Variants in FOXO3 observed in about 807,000 individuals in gnomAD.
FOXO3 encodes the protein forkhead box O3.
Under a neutral mutation model 41.9 loss-of-function variants are expected in FOXO3, and 4 were observed. The ratio of observed to expected loss-of-function variants is 0.10; its 90% confidence interval spans 0.05 to 0.22. FOXO3 has a LOEUF of 0.22. Among genes scored for constraint, FOXO3 ranks in the 10% least tolerant of loss-of-function variants. The probability of loss-of-function intolerance (pLI) is 1.00; values close to 1 mark genes in which losing one functional copy is unlikely to be tolerated. For missense variants in FOXO3, 534 were observed against 906.8 expected (o/e 0.59, Z 5.28); for synonymous variants, 318 against 389.3 (o/e 0.82, Z 2.16).
intron 1 of FOXO3, among the ~76,000 whole-genome samples, chr6:108,621,474 G>A (rs1471067423): frequency 1.3e-5 from 2 of 152,232 alleles, no homozygotes; most frequent in Non-Finnish European, 2.9e-5. Flanking sequence ...AAGTATGTGT[G>A]TAGTGCATGA....
chr6:108,561,880 G>A, intron 1 of FOXO3, 51 bp downstream of exon 1: 1 of 1,486,328 alleles, frequency 6.7e-7, no homozygotes. Context: ...CTCCTGCGCA[G>A]CGCGAGACGC....
chr6:108,683,103 G>A lies in FOXO3; in HGVS notation c.*3311G>A, dbSNP rs1562273690. On this transcript the variant is annotated 3_prime_UTR_variant, in exon 3 of 3. Transcript: ENST00000406360. Reference sequence around the variant, plus strand: ...TTATTGCTTCCTCTGCAATATGATTGCTGAAACACATTTTAAAAATTCAGA... The same window carrying A: ...TTATTGCTTCCTCTGCAATATGATTACTGAAACACATTTTAAAAATTCAGA... 6.6e-6 allele frequency: 1 copy of A among 152,642 alleles called. No homozygotes were observed. Among genetic ancestry groups the A allele is most frequent in the Non-Finnish European group, 1.5e-5 (1 of 68,046 alleles). 9.5% of individuals were successfully genotyped at this position (152,642 alleles called of 1,614,324 possible). A position where few individuals can be genotyped will look rare whatever the true frequency, so the allele number is the denominator to read the frequency against.
rs187096940 is a variant in FOXO3, at chr6:108,605,330, G to A, written c.621+43501G>A. On this transcript the variant is annotated intron_variant, in intron 1 of 2. Transcript: ENST00000406360. Reference sequence around the variant, plus strand: ...GATGGGGTTTCACCATATTGGCCAGGCTGGTCTCGAACTCCTGACCTTGTG... The same window carrying A: ...GATGGGGTTTCACCATATTGGCCAGACTGGTCTCGAACTCCTGACCTTGTG... Among the ~76,000 whole-genome samples the A allele has an allele frequency of 6.4e-4, 97 of 152,242 alleles. 1 individual carries two copies. The highest frequency in any genetic ancestry group is 5.9e-3 in the Admixed American group (91 of 15,296).
intron 1 of FOXO3, among the ~76,000 whole-genome samples, chr6:108,588,286 T>C (rs570889902): frequency 2.0e-5 from 3 of 152,214 alleles, no homozygotes; most frequent in Admixed American, 2.0e-4. Context: ...TTGTTCCTTT[T>C]GCTAGTTTTC....
chr6:108,615,794 A>C (rs905460288), intron 1 of FOXO3, among the ~76,000 whole-genome samples: 1 of 151,916 alleles, frequency 6.6e-6, no homozygotes, highest in Non-Finnish European at 1.5e-5. Flanking sequence ...CATTTGGGTT[A>C]GTTGGTTAGT....
chr6:108,614,571 A>C (rs1777442401), intron 1 of FOXO3, among the ~76,000 whole-genome samples: 1 of 152,076 alleles, frequency 6.6e-6, no homozygotes, highest in South Asian at 2.1e-4. Flanking sequence ...TGTATGGCAG[A>C]TCTTTTTTCC....
Position 108,639,263 on chromosome 6 carries a change from G to A in FOXO3, c.622-24192G>A, listed in dbSNP as rs531587063. ...AATCCTGCTTCCTTTCATATGCAAA[G>A]CATAATCTCTTTCCTGGACCTCTTT... On this transcript the variant is annotated intron_variant, in intron 1 of 2. Transcript: ENST00000406360. Among the ~76,000 whole-genome samples, 15 of 152,282 alleles carry A rather than the reference G, an allele frequency of 9.9e-5. No individual in the cohort carries two copies. In the East Asian group the frequency reaches 2.7e-3, roughly 27 times the overall value.
At chr6:108,655,502 C>T (rs1206412868) in intron 1 of FOXO3, among the ~76,000 whole-genome samples, 1 of 152,042 alleles carries the variant, frequency 6.6e-6, no homozygotes, top group Non-Finnish European at 1.5e-5. Context: ...GGTTCTTGGC[C>T]CTAATTGCAC....
At chr6:108,585,678 G>A (rs1776561867) in intron 1 of FOXO3, among the ~76,000 whole-genome samples, 1 of 152,208 alleles carries the variant, frequency 6.6e-6, no homozygotes, top group Non-Finnish European at 1.5e-5. Context: ...ATGTAGAGAT[G>A]CCTTTTACCT....
At chr6:108,666,861 A>G (rs1279555133) in intron 2 of FOXO3, among the ~76,000 whole-genome samples, 1 of 152,174 alleles carries the variant, frequency 6.6e-6, no homozygotes, top group Non-Finnish European at 1.5e-5. Flanking sequence ...CCTCGATGTT[A>G]ACAGGTTCTG....
intron 1 of FOXO3, among the ~76,000 whole-genome samples, chr6:108,661,314 A>G (rs1286446342): frequency 6.6e-6 from 1 of 152,054 alleles, no homozygotes; most frequent in Non-Finnish European, 1.5e-5. Flanking sequence ...GTGATTGCCA[A>G]TTTAAACAAA....
chr6:108,593,775 G>A (rs956827971), intron 1 of FOXO3, among the ~76,000 whole-genome samples: 1 of 132,440 alleles, frequency 7.6e-6, no homozygotes, highest in Non-Finnish European at 1.5e-5. Flanking sequence ...GGAGTGCAGT[G>A]GCTCAATCTT....
intron 1 of FOXO3, among the ~76,000 whole-genome samples, chr6:108,585,374 T>A (rs1776554782): frequency 6.6e-6 from 1 of 152,178 alleles, no homozygotes; most frequent in Non-Finnish European, 1.5e-5. Flanking sequence ...CCATGAAGAA[T>A]CTTTGCCATC....
chr6:108,575,963 A>T (rs537921387), intron 1 of FOXO3, among the ~76,000 whole-genome samples: 1 of 152,314 alleles, frequency 6.6e-6, no homozygotes, highest in African/African-American at 2.4e-5. Context: ...CCTGGAATTG[A>T]CTTACGAAAA....
At chr6:108,629,548 T>C (rs2128375459) in intron 1 of FOXO3, among the ~76,000 whole-genome samples, 1 of 152,292 alleles carries the variant, frequency 6.6e-6, no homozygotes, top group South Asian at 2.1e-4. Context: ...AGGATGATAA[T>C]ATTGTAAGCA....
chr6:108,630,841 TTC>T (rs975781072), intron 1 of FOXO3, among the ~76,000 whole-genome samples: 5 of 152,180 alleles, frequency 3.3e-5, no homozygotes, highest in African/African-American at 1.2e-4. Context: ...TCTTCCTATT[TTC>T]TCTCTTTGCC....
At chr6:108,608,215 A>G in intron 1 of FOXO3, among the ~76,000 whole-genome samples, 1 of 152,138 alleles carries the variant, frequency 6.6e-6, no homozygotes, top group Non-Finnish European at 1.5e-5. Flanking sequence ...TCTGTTCTAT[A>G]CTCAGAATCA....
At chr6:108,568,434 C>A (rs1170161662) in intron 1 of FOXO3, among the ~76,000 whole-genome samples, 1 of 151,518 alleles carries the variant, frequency 6.6e-6, no homozygotes, top group Non-Finnish European at 1.5e-5. Context: ...TCTCTACTTA[C>A]CTTGCTAAAT....
intron 1 of FOXO3, among the ~76,000 whole-genome samples, chr6:108,643,541 T>C (rs1778317260): frequency 1.3e-5 from 2 of 152,334 alleles, no homozygotes; most frequent in South Asian, 4.1e-4. Context: ...ACTGCTCTTC[T>C]ATTTTGTTTT....
Sources: gnomAD v4.1 joint callset for allele counts (sites outside exome capture counted in the v4.1 genomes callset) on GRCh38, gnomAD v4.1.1 for gene constraint, MANE v1.5 for transcripts, NCBI Gene and HGNC (gene_info 2026-07-23, HGNC 2026-07-21) for gene names.